Variants in PTPRK observed in about 807,000 individuals in gnomAD.
PTPRK encodes the protein receptor-type tyrosine-protein phosphatase kappa.
Under a neutral mutation model 178.0 loss-of-function variants are expected in PTPRK, and 75 were observed. The ratio of observed to expected loss-of-function variants is 0.42; its 90% CI spans 0.35 to 0.51. The LOEUF is 0.51. PTPRK is among the 20% of genes least tolerant of loss of function. The pLI, the probability that PTPRK is intolerant of heterozygous loss-of-function variation, is 0.02. For synonymous variants in PTPRK, 637 were observed against 620.6 expected (o/e 1.03, Z -0.39); for missense variants, 1,441 against 1,797.8 (o/e 0.80, Z 3.59).
chr6:128,485,241 C>T (rs1200719608), intron 1 of PTPRK, among the ~76,000 whole-genome samples: 1 of 152,204 alleles, frequency 6.6e-6, no homozygotes, highest in African/African-American at 2.4e-5. Context: ...TATTAGTACA[C>T]ATCACAAATT....
At chr6:128,413,407 G>A (rs1347358687) in intron 1 of PTPRK, among the ~76,000 whole-genome samples, 2 of 151,962 alleles carry the variant, frequency 1.3e-5, no homozygotes, top group African/African-American at 2.4e-5. Flanking sequence ...AATCAAATGT[G>A]AGGAGTTGCG....
intron 15 of PTPRK, among the ~76,000 whole-genome samples, chr6:128,002,965 C>T (rs1778007887): frequency 6.6e-6 from 1 of 151,958 alleles, no homozygotes; most frequent in Non-Finnish European, 1.5e-5. Context: ...TACTTTTGCT[C>T]CAAATCTAAC....
At chr6:128,226,561 C>T (rs1319043630) in intron 5 of PTPRK, among the ~76,000 whole-genome samples, 2 of 151,742 alleles carry the variant, frequency 1.3e-5, no homozygotes, top group Admixed American at 6.6e-5. Flanking sequence ...GAGGCTTCTC[C>T]GAAGTAGAAG....
intron 3 of PTPRK, among the ~76,000 whole-genome samples, chr6:128,257,974 A>C (rs946247757): frequency 6.6e-6 from 1 of 152,130 alleles, no homozygotes; most frequent in Non-Finnish European, 1.5e-5. Flanking sequence ...ATAGACCTAA[A>C]CTTTATTGTC....
At chr6:128,024,758 C>T (rs146369135) in intron 13 of PTPRK, among the ~76,000 whole-genome samples, 40 of 152,126 alleles carry the variant, frequency 2.6e-4, no homozygotes, top group African/African-American at 8.9e-4. Flanking sequence ...TGCAGTGAGC[C>T]GAGATCGTGG....
At chr6:128,183,988 C>T (rs1228346098) in intron 7 of PTPRK, among the ~76,000 whole-genome samples, 2 of 152,108 alleles carry the variant, frequency 1.3e-5, no homozygotes, top group African/African-American at 4.8e-5. Flanking sequence ...GAGGCATTGT[C>T]CAGAGTAACT....
At chr6:128,178,496 TAAGAA>T (rs1801429324) in intron 7 of PTPRK, among the ~76,000 whole-genome samples, 1 of 151,934 alleles carries the variant, frequency 6.6e-6, no homozygotes, top group African/African-American at 2.4e-5. Flanking sequence ...CATATTTGAA[TAAGAA>T]AAGTAATTCA....
chr6:128,327,952 T>C (rs543644522), intron 2 of PTPRK, among the ~76,000 whole-genome samples: 1 of 152,212 alleles, frequency 6.6e-6, no homozygotes, highest in East Asian at 1.9e-4. Context: ...CTAGGGAAGC[T>C]AGGGAAACAG....
intron 3 of PTPRK, among the ~76,000 whole-genome samples, chr6:128,294,605 C>T (rs747896969): frequency 2.6e-5 from 4 of 151,958 alleles, no homozygotes; most frequent in Non-Finnish European, 5.9e-5. Flanking sequence ...GGAAAAGATA[C>T]AAAGTTTATT....
In PTPRK at chr6:128,057,628, A is replaced by G. The variant is rs112659740; in HGVS notation, c.2194+7130T>C. On this transcript the variant is annotated intron_variant, in intron 13 of 29. Coordinates refer to ENST00000368226, the MANE Select transcript of PTPRK (RefSeq NM_002844.4). Reference sequence around the variant, plus strand: ...ATGTCCTGTGTGATTCCATAGGAAGAGGCTCTTGGAAGCTTGCACCTGGCT... The same window carrying G: ...ATGTCCTGTGTGATTCCATAGGAAGGGGCTCTTGGAAGCTTGCACCTGGCT... Among the ~76,000 whole-genome samples, 1,042 of 152,292 alleles carry G rather than the reference A, an allele frequency of 6.8e-3. 12 individuals are homozygous for G. Among genetic ancestry groups the G allele is most frequent in the Middle Eastern group, 0.017 (5 of 294 alleles).
chr6:128,028,522 T>C (rs989056274), intron 13 of PTPRK, among the ~76,000 whole-genome samples: 2 of 152,250 alleles, frequency 1.3e-5, no homozygotes, highest in African/African-American at 4.8e-5. Flanking sequence ...TTAACTTTCA[T>C]GTCTAACTGC....
intron 2 of PTPRK, among the ~76,000 whole-genome samples, chr6:128,373,438 CA>C (rs1469396716): frequency 2.0e-5 from 3 of 152,176 alleles, no homozygotes; most frequent in African/African-American, 7.2e-5. Context: ...ATATTAAAAT[CA>C]CCTATGGGAC....
chr6:128,147,902 T>G (rs1433819497), intron 7 of PTPRK, among the ~76,000 whole-genome samples: 2 of 151,964 alleles, frequency 1.3e-5, no homozygotes, highest in East Asian at 3.9e-4. Context: ...TTTTCTCCCC[T>G]GTTTCAGTAA....
At chr6:128,033,953 T>G (rs1277687673) in intron 13 of PTPRK, among the ~76,000 whole-genome samples, 1 of 152,180 alleles carries the variant, frequency 6.6e-6, no homozygotes, top group African/African-American at 2.4e-5. Context: ...TAGAGTCCTC[T>G]GAGTGCCAAA....
intron 13 of PTPRK, among the ~76,000 whole-genome samples, chr6:128,036,378 A>C (rs1341056760): frequency 6.6e-6 from 1 of 152,210 alleles, no homozygotes; most frequent in Admixed American, 6.5e-5. Context: ...AGAGAATAGT[A>C]ACTTTGTAGG....
At chr6:128,333,964 G>A (rs1830595058) in intron 2 of PTPRK, among the ~76,000 whole-genome samples, 2 of 152,036 alleles carry the variant, frequency 1.3e-5, no homozygotes, top group East Asian at 1.9e-4. Context: ...TTACTAATTG[G>A]CTTAATTTCA....
At chr6:128,145,490 T>C (rs1216077716) in intron 7 of PTPRK, among the ~76,000 whole-genome samples, 1 of 152,164 alleles carries the variant, frequency 6.6e-6, no homozygotes, top group Non-Finnish European at 1.5e-5. Flanking sequence ...TACAAAGGGA[T>C]CTGAGTTTAT....
Position 128,519,591 on chromosome 6 carries a change from A to G in PTPRK, c.100+668T>C, listed in dbSNP as rs1858682966. 6.6e-6 allele frequency among the ~76,000 whole-genome samples: 1 copy of G among 152,202 alleles called. No homozygotes were observed. Among genetic ancestry groups the G allele is most frequent in the South Asian group, 2.1e-4 (1 of 4,834 alleles). ...ACCAGGCGCCCAGACCTCGATGCCC[A>G]TGAACGCTCAGAGTGGGTCCTTAGA... On this transcript the variant is annotated intron_variant, in intron 1 of 29. Transcript: ENST00000368226. This position sits in a 1 kb window ranked among gnomAD's most constrained non-coding sequence, Gnocchi z 4.3.
intron 1 of PTPRK, among the ~76,000 whole-genome samples, chr6:128,509,102 C>T (rs1433064353): frequency 6.6e-6 from 1 of 152,108 alleles, no homozygotes; most frequent in Non-Finnish European, 1.5e-5. Flanking sequence ...CTAGTGTGTC[C>T]ATATTGTACA....
Sources: gnomAD v4.1 joint callset for allele counts (sites outside exome capture counted in the v4.1 genomes callset) on GRCh38, gnomAD v4.1.1 for gene constraint, Gnocchi (gnomAD v3.1) non-coding constraint, MANE v1.5 for transcripts, NCBI Gene and HGNC (gene_info 2026-07-23, HGNC 2026-07-21) for gene names.